The following MOXD1 variants were observed in gnomAD, a reference collection of about 807,000 sequenced individuals.
MOXD1 encodes the protein DBH-like monooxygenase protein 1.
In MOXD1, 62 loss-of-function variants were observed where a neutral mutation model predicts 66.6. The observed-to-expected ratio is 0.93, with a 90% CI of 0.76 to 1.15. MOXD1 has a LOEUF of 1.15. Among genes scored for constraint, MOXD1 ranks in the 50% most tolerant of loss-of-function variants. The pLI is 0.00. For missense variants in MOXD1, 847 were observed against 754.6 expected (o/e 1.12, Z -1.44); for synonymous variants, 303 against 281.9 (o/e 1.07, Z -0.75).
intron 8 of MOXD1, among the ~76,000 whole-genome samples, chr6:132,321,052 G>C (rs985925447): frequency 2.0e-5 from 3 of 152,140 alleles, no homozygotes; most frequent in African/African-American, 7.2e-5. Context: ...GGATCACGAG[G>C]TCAGGAGTTC....
At chr6:132,301,425 T>C (rs1416977722) in intron 10 of MOXD1, among the ~76,000 whole-genome samples, 19 of 152,096 alleles carry the variant, frequency 1.2e-4, no homozygotes. Flanking sequence ...AACTGATCAA[T>C]GGAAATTTTA....
intron 1 of MOXD1, among the ~76,000 whole-genome samples, chr6:132,384,287 TTCC>T (rs1776579641): frequency 9.3e-6 from 1 of 108,040 alleles, no homozygotes; most frequent in Non-Finnish European, 1.9e-5. Flanking sequence ...CCTTCCTTCC[TTCC>T]TCCTTCCTTC....
At chr6:132,361,096 T>C in intron 4 of MOXD1, among the ~76,000 whole-genome samples, 1 of 152,186 alleles carries the variant, frequency 6.6e-6, no homozygotes, top group Admixed American at 6.5e-5. Context: ...GGTAATGAGA[T>C]GCATTTTAAA....
chr6:132,333,253 G>A (rs560961801), intron 4 of MOXD1, among the ~76,000 whole-genome samples: 5 of 149,568 alleles, frequency 3.3e-5, no homozygotes, highest in Admixed American at 6.7e-5. Context: ...GGAGAATGGC[G>A]TGAACCCGGG....
At position 132,303,833 on chromosome 6, in the gene MOXD1, GTGTATATATATATA is replaced by G. The variant is rs1197801343; in HGVS notation, c.1509-5892_1509-5879del. 3.0e-4 allele frequency among the ~76,000 whole-genome samples: 18 copies of G among 59,986 alleles called. No individual in the cohort carries two copies. The Admixed American group carries it at 3.2e-3, about 11-fold the overall frequency. The allele number at this position is 59,986 out of a possible 152,430, so 39.4% of individuals were successfully genotyped here. A position where few individuals can be genotyped will look rare whatever the true frequency, so the allele number is the denominator to read the frequency against. On this transcript the variant is annotated intron_variant, in intron 10 of 11. Coordinates refer to ENST00000367963, the MANE Select transcript of MOXD1 (RefSeq NM_015529.4). ...TGTGTGTGTGTGTGTGTGTGTGTGT[GTGTATATATATATA>G]TATATATATATATATATATATATAT...
chr6:132,401,325 C>A lies in MOXD1; in HGVS notation c.102G>T (p.Glu34Asp). The change falls in exon 1 of 12, where the codon GAG becomes GAT. Residue 34 changes from glutamate (E) to aspartate (D), a missense_variant. Physicochemically the swap from Glu to Asp is conservative, Grantham distance 45 (BLOSUM62 2). Coordinates refer to ENST00000367963, the MANE Select transcript of MOXD1 (RefSeq NM_015529.4). The part of the protein sequence containing the change: ...TYPHRTLLDS[E>D]GKYWLGWSQR... ...GGCTCCAGCCCAGCCAGTACTTGCC[C>A]TCCGAGTCCAGGAGGGTCCGGTGCG... 6.3e-7 allele frequency: 1 copy of A among 1,589,740 alleles called. No homozygotes were observed. The highest frequency in any genetic ancestry group is 8.5e-7 in the Non-Finnish European group (1 of 1,172,932).
intron 4 of MOXD1, among the ~76,000 whole-genome samples, chr6:132,338,727 T>C (rs1775490652): frequency 6.6e-6 from 1 of 152,204 alleles, no homozygotes; most frequent in Non-Finnish European, 1.5e-5. Context: ...TTTTATTGGG[T>C]TTGATTCTTG....
intron 7 of MOXD1, among the ~76,000 whole-genome samples, chr6:132,323,392 AC>A (rs1331551487): frequency 6.6e-6 from 1 of 152,206 alleles, no homozygotes; most frequent in Non-Finnish European, 1.5e-5. Context: ...ACTGTCCTCA[AC>A]CACAATATCA....
chr6:132,327,828 C>T (rs1009460046), intron 6 of MOXD1, among the ~76,000 whole-genome samples, 185 bp downstream of exon 6: 1 of 152,114 alleles, frequency 6.6e-6, no homozygotes, highest in Non-Finnish European at 1.5e-5. Flanking sequence ...TTAATGCCTG[C>T]TGTTACAGTA....
chr6:132,346,400 G>GA (rs1775669214), intron 4 of MOXD1, among the ~76,000 whole-genome samples: 1 of 151,984 alleles, frequency 6.6e-6, no homozygotes, highest in African/African-American at 2.4e-5. Flanking sequence ...TTTATTTAAT[G>GA]AAAAAATGTA....
intron 11 of MOXD1, 43 bp downstream of exon 11, chr6:132,297,744 T>C: frequency 1.3e-6 from 2 of 1,546,558 alleles, no homozygotes; most frequent in South Asian, 2.5e-5. Flanking sequence ...TAGATTCAGA[T>C]AAAATGTGTC....
At chr6:132,383,757 A>G (rs1776556941) in intron 1 of MOXD1, among the ~76,000 whole-genome samples, 1 of 152,198 alleles carries the variant, frequency 6.6e-6, no homozygotes, top group African/African-American at 2.4e-5. Context: ...ATCCTATCCC[A>G]TCACCTTAAT....
intron 1 of MOXD1, among the ~76,000 whole-genome samples, chr6:132,395,026 G>T (rs34871318): frequency 1.3e-5 from 2 of 151,934 alleles, no homozygotes; most frequent in Non-Finnish European, 2.9e-5. Context: ...TATCAGAGGT[G>T]AAAGACACAG....
chr6:132,336,923 C>A (rs1270661922), intron 4 of MOXD1, among the ~76,000 whole-genome samples: 1 of 152,018 alleles, frequency 6.6e-6, no homozygotes, highest in Non-Finnish European at 1.5e-5. Context: ...TTTCAAACGA[C>A]GAAAAAGAAT....
At position 132,377,497 on chromosome 6, in the gene MOXD1, C is replaced by T. The variant is rs986740837; in HGVS notation, c.265-2720G>A. On this transcript the variant is annotated intron_variant, in intron 1 of 11. Transcript: ENST00000367963. ...AATATCCAGCTGGTTTGCCAATTTT[C>T]CACTCATTCTATTTCCACTCAACAA... Among the ~76,000 whole-genome samples the T allele has an allele frequency of 7.2e-5, 11 of 152,292 alleles. No individual in the cohort carries two copies. In the East Asian group the frequency reaches 1.9e-3, roughly 27 times the overall value.
At position 132,349,439 on chromosome 6, in the gene MOXD1, A is replaced by G. The variant is rs1202676107; in HGVS notation, c.664-20845T>C. 2.4e-3 allele frequency among the ~76,000 whole-genome samples: 79 copies of G among 32,940 alleles called. 10 individuals are homozygous for G. The highest frequency in any genetic ancestry group is 0.013 in the African/African-American group (59 of 4,426). The allele number at this position is 32,940 out of a possible 152,430, so 21.6% of individuals were successfully genotyped here. A position where few individuals can be genotyped will look rare whatever the true frequency, so the allele number is the denominator to read the frequency against. The stretch of plus-strand genomic sequence containing the variant: ...TATATATACATATATATATATACAT[A>G]TATATATATATACATATATATATAT... On this transcript the variant is annotated intron_variant, in intron 4 of 11. Coordinates refer to ENST00000367963, the MANE Select transcript of MOXD1 (RefSeq NM_015529.4).
intron 1 of MOXD1, among the ~76,000 whole-genome samples, chr6:132,377,705 C>T (rs1057227585): frequency 3.0e-4 from 46 of 152,138 alleles, no homozygotes; most frequent in African/African-American, 1.0e-3. Context: ...TCTGAACTCC[C>T]GGAAAAAAGA....
rs146998322 is a variant in MOXD1, at chr6:132,322,858, C to G, written c.1126G>C (p.Glu376Gln). Reference sequence around the variant, plus strand: ...AACACATGAATTCCACTTGGCTTTTCGGCTTCCAGAGCCTACAGGAGACAC... The same window carrying G: ...AACACATGAATTCCACTTGGCTTTTGGGCTTCCAGAGCCTACAGGAGACAC... ...LECLEEALEA[E>Q]KPSGIHVFAV... Residue 376 changes from glutamate (E) to glutamine (Q), a missense_variant, in exon 8 of 12, where the codon GAA becomes CAA. Transcript: ENST00000367963. The G allele has an allele frequency of 1.1e-5, 17 of 1,612,930 alleles. No homozygotes were observed. In the South Asian group the frequency reaches 1.7e-4, roughly 16 times the overall value.
At chr6:132,398,935 C>CAAAA (rs150318811) in intron 1 of MOXD1, among the ~76,000 whole-genome samples, 2 of 75,084 alleles carry the variant, frequency 2.7e-5, no homozygotes, top group Admixed American at 1.5e-4. Flanking sequence ...GAGACTTTGT[C>CAAAA]AAAAAAAAAA....
Sources: allele counts gnomAD v4.1 joint callset (sites outside exome capture counted in the v4.1 genomes callset), GRCh38; gene constraint gnomAD v4.1.1; transcripts MANE v1.5; gene names NCBI Gene and HGNC (gene_info 2026-07-23, HGNC 2026-07-21).